DCBLD2: variants seen among roughly 807,000 people sequenced by gnomAD.
DCBLD2 encodes the protein discoidin, CUB and LCCL domain containing 2.
Under a neutral mutation model 86.8 loss-of-function variants are expected in DCBLD2, and 54 were observed. The ratio of observed to expected loss-of-function variants is 0.62; its 90% CI spans 0.50 to 0.78. The LOEUF is 0.78. DCBLD2 is among the 30% of genes least tolerant of loss of function. The probability of loss-of-function intolerance (pLI) is 0.00; values close to 1 mark genes in which losing one functional copy is unlikely to be tolerated. For missense variants in DCBLD2, 908 were observed against 954.2 expected, an observed-to-expected ratio of 0.95 and a Z score of 0.64; for synonymous variants, 354 against 341.3, an observed-to-expected ratio of 1.04 and a Z score of -0.41.
At chr3:98,873,589 C>T (rs1024685323) in intron 2 of DCBLD2, among the ~76,000 whole-genome samples, 5 of 151,854 alleles carry the variant, frequency 3.3e-5, no homozygotes, top group Non-Finnish European at 5.9e-5. Context: ...ATATAATTGA[C>T]CCATATTAAT....
At chr3:98,800,902 A>G (rs1224915607) in intron 14 of DCBLD2, 186 bp from the exon 15 acceptor site, 4 of 677,918 alleles carry the variant, frequency 5.9e-6, no homozygotes, top group South Asian at 2.0e-5. Flanking sequence ...CAAGCAGTAC[A>G]TGGTAGAAAT....
intron 13 of DCBLD2, among the ~76,000 whole-genome samples, chr3:98,802,857 G>A (rs1470434600): frequency 5.3e-5 from 8 of 152,174 alleles, no homozygotes; most frequent in African/African-American, 1.9e-4. Context: ...TCAGATGGTT[G>A]TAGATGTGTG....
chr3:98,824,562 A>T (rs926662898), intron 4 of DCBLD2, among the ~76,000 whole-genome samples: 5 of 152,110 alleles, frequency 3.3e-5, no homozygotes, highest in Non-Finnish European at 5.9e-5. Context: ...AAAAGTTAGT[A>T]AGATGGCTCT....
intron 7 of DCBLD2, among the ~76,000 whole-genome samples, chr3:98,819,754 C>T (rs1942085286): frequency 6.6e-6 from 1 of 152,146 alleles, no homozygotes; most frequent in Non-Finnish European, 1.5e-5. Flanking sequence ...CTGAGGTCTT[C>T]CCTGGGAGGA....
At chr3:98,826,961 A>G (rs1050415726) in intron 3 of DCBLD2, among the ~76,000 whole-genome samples, 1 of 152,218 alleles carries the variant, frequency 6.6e-6, no homozygotes, top group Non-Finnish European at 1.5e-5. Flanking sequence ...CAGCAAGCAT[A>G]TGATAATCGA....
intron 2 of DCBLD2, among the ~76,000 whole-genome samples, chr3:98,855,025 T>A (rs1206147356): frequency 6.6e-6 from 1 of 151,038 alleles, no homozygotes; most frequent in Non-Finnish European, 1.5e-5. Flanking sequence ...TAACGTTTAT[T>A]TATCATAAGA....
At chr3:98,825,397 A>C in intron 3 of DCBLD2, 31 bp from the exon 4 acceptor site, 1 of 1,435,766 alleles carries the variant, frequency 7.0e-7, no homozygotes, top group Non-Finnish European at 9.3e-7. Flanking sequence ...AACTGATTCC[A>C]TTAATATACA....
intron 2 of DCBLD2, among the ~76,000 whole-genome samples, chr3:98,863,701 C>T (rs1295136339): frequency 5.3e-5 from 8 of 152,308 alleles, no homozygotes; most frequent in Non-Finnish European, 1.0e-4. Flanking sequence ...ACACCTTATA[C>T]AAAAATTAAC....
chr3:98,896,488 T>C (rs1334637015), intron 1 of DCBLD2, among the ~76,000 whole-genome samples: 1 of 152,242 alleles, frequency 6.6e-6, no homozygotes, highest in Admixed American at 6.5e-5. Flanking sequence ...TTTTACTGTA[T>C]TTTGTAGGTA....
intron 2 of DCBLD2, among the ~76,000 whole-genome samples, chr3:98,870,789 G>GAAAGAAAGAAAGAAAGAAAGAA (rs1559794599): frequency 2.0e-4 from 30 of 150,994 alleles, no homozygotes; most frequent in Admixed American, 9.3e-4. Context: ...AAGAAAGAAA[G>GAAAGAAAGAAAGAAAGAAAGAA]AAAGAAAGAA....
chr3:98,900,992 C>A (rs1252259911), intron 1 of DCBLD2, 130 bp downstream of exon 1: 2 of 1,467,192 alleles, frequency 1.4e-6, no homozygotes, highest in Non-Finnish European at 1.8e-6. Flanking sequence ...CCGTGAGTAC[C>A]CAGCCAGGTC....
In DCBLD2 at chr3:98,801,748, T is replaced by C. The variant is rs1037792479; in HGVS notation, c.1671-99A>G. The C allele has an allele frequency of 3.8e-5, 31 of 819,822 alleles. No homozygotes were observed. In the African/African-American group the frequency reaches 5.4e-4, roughly 14 times the overall value. 50.8% of individuals were successfully genotyped at this position (819,822 alleles called of 1,614,324 possible). ...AGGCCTTGGTATGTGATATTCCCCT[T>C]CCTGTGTCCAAGTGTTCTCATTGTT... On this transcript the variant is annotated intron_variant, in intron 13 of 15. Coordinates refer to ENST00000326840, the MANE Select transcript of DCBLD2 (RefSeq NM_080927.4).
chr3:98,846,722 T>G (rs941170816), intron 3 of DCBLD2, among the ~76,000 whole-genome samples: 1 of 152,202 alleles, frequency 6.6e-6, no homozygotes, highest in Non-Finnish European at 1.5e-5. Context: ...AAATAGAATA[T>G]AGCCATTTGA....
At chr3:98,896,343 A>T (rs1943749712) in intron 1 of DCBLD2, among the ~76,000 whole-genome samples, 1 of 152,230 alleles carries the variant, frequency 6.6e-6, no homozygotes, top group South Asian at 2.1e-4. Context: ...AACATTTTGA[A>T]CTGAAATACT....
At chr3:98,804,330 G>A (rs1451563585) in intron 13 of DCBLD2, among the ~76,000 whole-genome samples, 1 of 152,182 alleles carries the variant, frequency 6.6e-6, no homozygotes, top group Admixed American at 6.5e-5. Flanking sequence ...TAGTTTATTT[G>A]CATAGAGGTG....
At chr3:98,844,135 C>A (rs2107477825) in intron 3 of DCBLD2, among the ~76,000 whole-genome samples, 1 of 151,556 alleles carries the variant, frequency 6.6e-6, no homozygotes, top group East Asian at 1.9e-4. Context: ...GTATATATTT[C>A]TTTTGAGTTC....
At chr3:98,877,720 A>G (rs2107518699) in intron 2 of DCBLD2, among the ~76,000 whole-genome samples, 1 of 152,318 alleles carries the variant, frequency 6.6e-6, no homozygotes, top group East Asian at 1.9e-4. Flanking sequence ...ATTCTCCACT[A>G]AAAAGAACCA....
rs567804463 is a variant in DCBLD2, at chr3:98,901,461, G to A, written c.-135C>T. The A allele has an allele frequency of 1.1e-6, 1 of 894,124 alleles. No homozygotes were observed. The highest frequency in any genetic ancestry group is 1.5e-6 in the Non-Finnish European group (1 of 681,008). 55.4% of individuals were successfully genotyped at this position (894,124 alleles called of 1,614,324 possible). A position where few individuals can be genotyped will look rare whatever the true frequency, so the allele number is the denominator to read the frequency against. On this transcript the variant is annotated 5_prime_UTR_variant, in exon 1 of 16. Coordinates refer to ENST00000326840, the MANE Select transcript of DCBLD2 (RefSeq NM_080927.4). Reference sequence around the variant, plus strand: ...CAGCCCTCGCCTCACCCCGCGCCGGGACCCTTCCGCCCCTCACCCCGCTTT... The same window carrying A: ...CAGCCCTCGCCTCACCCCGCGCCGGAACCCTTCCGCCCCTCACCCCGCTTT...
intron 2 of DCBLD2, among the ~76,000 whole-genome samples, chr3:98,867,614 A>T (rs1039219297): frequency 2.6e-5 from 4 of 152,176 alleles, no homozygotes; most frequent in African/African-American, 9.7e-5. Flanking sequence ...TTCAACACAT[A>T]TCCTTAGAAA....
Sources: gnomAD v4.1 joint callset for allele counts (sites outside exome capture counted in the v4.1 genomes callset) on GRCh38, gnomAD v4.1.1 for gene constraint, MANE v1.5 for transcripts, NCBI Gene and HGNC (gene_info 2026-07-23, HGNC 2026-07-21) for gene names.